The following MGAT4C variants were observed in gnomAD, a reference collection of about 807,000 sequenced individuals.
MGAT4C encodes the protein alpha-1,3-mannosyl-glycoprotein 4-beta-N-acetylglucosaminyltransferase C.
A neutral mutation model predicts 40.1 loss-of-function variants in MGAT4C; 19 were observed. That is an observed-to-expected ratio of 0.47 (90% confidence interval 0.33 to 0.70). MGAT4C has a LOEUF of 0.70. MGAT4C is among the 30% of genes least tolerant of loss of function. The pLI is 0.02. For missense variants in MGAT4C, 491 were observed against 563.2 expected (o/e 0.87, Z 1.30); for synonymous variants, 181 against 187.1 (o/e 0.97, Z 0.27).
At chr12:86,004,037 C>T (rs1592662454) in intron 2 of MGAT4C, among the ~76,000 whole-genome samples, 1 of 152,050 alleles carries the variant, frequency 6.6e-6, no homozygotes, top group Non-Finnish European at 1.5e-5. Flanking sequence ...ACAGTGTTGC[C>T]TTTTCAAAAC....
At chr12:86,453,197 A>G (rs1288726268) in intron 2 of MGAT4C, among the ~76,000 whole-genome samples, 2 of 152,174 alleles carry the variant, frequency 1.3e-5, no homozygotes, top group Non-Finnish European at 2.9e-5. Context: ...ACTGCAGAGT[A>G]CATTGTGATT....
intron 2 of MGAT4C, among the ~76,000 whole-genome samples, chr12:86,653,747 T>C (rs1221402243): frequency 2.0e-5 from 3 of 150,870 alleles, no homozygotes; most frequent in African/African-American, 7.4e-5. Flanking sequence ...TTTTCACTCA[T>C]TTAAAGATTC....
chr12:86,411,331 T>C (rs1956600407), intron 3 of MGAT4C, among the ~76,000 whole-genome samples: 1 of 152,188 alleles, frequency 6.6e-6, no homozygotes, highest in Non-Finnish European at 1.5e-5. Flanking sequence ...GTGACCAAAA[T>C]GCTGATAGTG....
At chr12:86,148,485 G>C (rs567023855) in intron 1 of MGAT4C, among the ~76,000 whole-genome samples, 5 of 152,294 alleles carry the variant, frequency 3.3e-5, no homozygotes, top group Non-Finnish European at 7.4e-5. Context: ...CCTTGCCAGA[G>C]ACCAAATGTA....
At position 85,957,361 on chromosome 12, in the gene MGAT4C, T is replaced by C. The variant is rs1028542860; in HGVS notation, c.*21928A>G. 4.6e-5 allele frequency: 7 copies of C among 152,170 alleles called. No individual in the cohort carries two copies. Among genetic ancestry groups the C allele is most frequent in the Non-Finnish European group, 1.0e-4 (7 of 68,018 alleles). 9.4% of individuals were successfully genotyped at this position (152,170 alleles called of 1,614,324 possible). On this transcript the variant is annotated 3_prime_UTR_variant, in exon 5 of 5. Coordinates refer to ENST00000611864, the MANE Select transcript of MGAT4C (RefSeq NM_001351288.2). ...CAAAAATCCCAGAAATTAATTATAT[T>C]TGGGTCTCATTGAAGGGCATGGGCC...
intron 1 of MGAT4C, among the ~76,000 whole-genome samples, chr12:86,060,526 A>G (rs1893847608): frequency 6.6e-6 from 1 of 152,158 alleles, no homozygotes; most frequent in South Asian, 2.1e-4. Flanking sequence ...ATTAATTCAT[A>G]CAATCCTAAT....
rs76872181 is a variant in MGAT4C, at chr12:86,661,144, A to G, written c.-229+66065T>C. ...CTTGGGTTCTTTCTATATTACCATC[A>G]CTGTAGTCACAGTTGTGTTGATATT... is the stretch of plus-strand genomic sequence containing the variant. On this transcript the variant is annotated intron_variant, in intron 2 of 7. Transcript: ENST00000548651. Among the ~76,000 whole-genome samples, 521 of 152,236 alleles carry G rather than the reference A, an allele frequency of 3.4e-3. 1 individual carries two copies. Among genetic ancestry groups the G allele is most frequent in the African/African-American group, 0.012 (500 of 41,550 alleles).
chr12:86,283,078 C>G (rs1472500406), intron 4 of MGAT4C, among the ~76,000 whole-genome samples: 1 of 151,920 alleles, frequency 6.6e-6, no homozygotes, highest in Non-Finnish European at 1.5e-5. Context: ...GTCTTCATAC[C>G]TTCCATTGGC....
intron 1 of MGAT4C, among the ~76,000 whole-genome samples, chr12:86,214,921 A>G (rs1950609056): frequency 6.6e-6 from 1 of 152,216 alleles, no homozygotes; most frequent in African/African-American, 2.4e-5. Flanking sequence ...ATGATCTGAT[A>G]CTAAAGTTAC....
intron 3 of MGAT4C, among the ~76,000 whole-genome samples, chr12:86,350,607 A>G (rs2136191502): frequency 6.6e-6 from 1 of 152,326 alleles, no homozygotes; most frequent in South Asian, 2.1e-4. Context: ...ATAAAAGAAA[A>G]AAGAACATAC....
chr12:86,515,997 A>G (rs1286716987), intron 2 of MGAT4C, among the ~76,000 whole-genome samples: 1 of 150,778 alleles, frequency 6.6e-6, no homozygotes, highest in Non-Finnish European at 1.5e-5. Flanking sequence ...GCCCACCTCG[A>G]CCTCCCAAAG....
chr12:86,685,693 C>T (rs1289168971), intron 2 of MGAT4C, among the ~76,000 whole-genome samples: 1 of 152,070 alleles, frequency 6.6e-6, no homozygotes, highest in Non-Finnish European at 1.5e-5. Flanking sequence ...TGTTTGTGCC[C>T]TCTCTTATTT....
At chr12:86,805,890 T>C (rs1448920873) in intron 1 of MGAT4C, among the ~76,000 whole-genome samples, 1 of 151,926 alleles carries the variant, frequency 6.6e-6, no homozygotes, top group Non-Finnish European at 1.5e-5. Context: ...CTTTTATTTT[T>C]ATTTTTTAAT....
rs1340580271 is a variant in MGAT4C at position 86,395,365 on chromosome 12, G to A, written c.-120+39792C>T. Among the ~76,000 whole-genome samples the A allele has an allele frequency of 2.0e-5, 3 of 152,134 alleles. 1 individual carries two copies. The South Asian group carries it at 6.2e-4, about 32-fold the overall frequency. On this transcript the variant is annotated intron_variant, in intron 3 of 7. Coordinates refer to the MGAT4C transcript ENST00000548651. Reference sequence around the variant, plus strand: ...GGTTTACTTATCTTACCATATTAGAGCATTCACAGGGAAAAAAGACTGTAA... The same window carrying A: ...GGTTTACTTATCTTACCATATTAGAACATTCACAGGGAAAAAAGACTGTAA...
rs144546919 is a variant in MGAT4C at position 86,772,359 on chromosome 12, T to C, written c.-261-45118A>G. 6.1e-3 allele frequency among the ~76,000 whole-genome samples: 925 copies of C among 152,194 alleles called. 8 individuals are homozygous for C. The highest frequency in any genetic ancestry group is 0.014 in the South Asian group (69 of 4,828). Reference sequence around the variant, plus strand: ...TGAAGAAAATAAAGATGAAACAAAATAAACGGATGGAACAAAATTCTACAG... The same window carrying C: ...TGAAGAAAATAAAGATGAAACAAAACAAACGGATGGAACAAAATTCTACAG... On this transcript the variant is annotated intron_variant, in intron 1 of 7. Transcript: ENST00000548651.
At chr12:86,816,668 A>T (rs1952613686) in intron 1 of MGAT4C, among the ~76,000 whole-genome samples, 1 of 151,690 alleles carries the variant, frequency 6.6e-6, no homozygotes, top group Non-Finnish European at 1.5e-5. Flanking sequence ...AAATTTTTTT[A>T]GAACAACAGT....
At chr12:86,090,097 T>A (rs1309421377) in intron 1 of MGAT4C, among the ~76,000 whole-genome samples, 1 of 151,650 alleles carries the variant, frequency 6.6e-6, no homozygotes, top group Non-Finnish European at 1.5e-5. Context: ...GAATTGTAAG[T>A]GTTATTGTCT....
At chr12:86,014,491 T>C (rs1266087497) in intron 2 of MGAT4C, among the ~76,000 whole-genome samples, 2 of 152,076 alleles carry the variant, frequency 1.3e-5, no homozygotes, top group African/African-American at 4.8e-5. Context: ...TGCCTGCAAA[T>C]GATCTCAGTT....
At chr12:86,157,797 A>G (rs150940341) in intron 1 of MGAT4C, among the ~76,000 whole-genome samples, 2,764 of 152,190 alleles carry the variant, frequency 0.018, 40 homozygotes, top group South Asian at 0.032. Context: ...AGAACTTACT[A>G]TCATGAGAAC....
Sources: allele counts gnomAD v4.1 joint callset (sites outside exome capture counted in the v4.1 genomes callset), GRCh38; gene constraint gnomAD v4.1.1; transcripts MANE v1.5; gene names NCBI Gene and HGNC (gene_info 2026-07-23, HGNC 2026-07-21).